BICD1: variants seen among roughly 807,000 people sequenced by gnomAD.
The protein encoded by BICD1 is BICD cargo adaptor 1.
BICD1 carries 35 observed loss-of-function variants against 92.5 expected under a neutral mutation model. The observed-to-expected ratio is 0.38, with a 90% confidence interval of 0.29 to 0.50. BICD1 has a LOEUF of 0.50. Among genes scored for constraint, BICD1 ranks in the 20% least tolerant of loss-of-function variants. The probability of loss-of-function intolerance (pLI) is 0.93; values close to 1 mark genes in which losing one functional copy is unlikely to be tolerated. For synonymous variants in BICD1, 429 were observed against 465.1 expected, an observed-to-expected ratio of 0.92 and a Z score of 1.00; for missense variants, 950 against 1,189.8, an observed-to-expected ratio of 0.80 and a Z score of 2.97.
chr12:32,117,208 C>T (rs1941946877), intron 1 of BICD1, among the ~76,000 whole-genome samples: 1 of 152,138 alleles, frequency 6.6e-6, no homozygotes, highest in Non-Finnish European at 1.5e-5. Flanking sequence ...GCTGAGAATA[C>T]TCTATGGGGA....
chr12:32,111,447 G>T (rs1941687893), intron 1 of BICD1, among the ~76,000 whole-genome samples: 1 of 152,112 alleles, frequency 6.6e-6, no homozygotes, highest in Admixed American at 6.5e-5. Flanking sequence ...AAGATTGTTA[G>T]TTTCTTTTAT....
chr12:32,140,887 ATGCGGCGAC>A (rs1378992532), intron 1 of BICD1, among the ~76,000 whole-genome samples: 3 of 152,226 alleles, frequency 2.0e-5, no homozygotes, highest in African/African-American at 7.2e-5. Context: ...ACCAGAGGAA[ATGCGGCGAC>A]TTAGGTTCTG....
intron 1 of BICD1, among the ~76,000 whole-genome samples, chr12:32,113,037 G>C (rs1479810233): frequency 6.6e-6 from 1 of 152,080 alleles, no homozygotes; most frequent in Admixed American, 6.5e-5. Flanking sequence ...GATGAAACTT[G>C]GAAGAAGCCC....
chr12:32,193,271 T>C (rs185006164), intron 1 of BICD1, among the ~76,000 whole-genome samples: 1 of 152,310 alleles, frequency 6.6e-6, no homozygotes, highest in East Asian at 1.9e-4. Flanking sequence ...CAAGACCTTC[T>C]ACCAGCAAAA....
At chr12:32,257,965 G>A (rs1412920768) in intron 2 of BICD1, among the ~76,000 whole-genome samples, 1 of 152,092 alleles carries the variant, frequency 6.6e-6, no homozygotes, top group Non-Finnish European at 1.5e-5. Flanking sequence ...GTTTCAGATA[G>A]TTAGCTATTA....
chr12:32,375,318 C>T, intron 9 of BICD1, among the ~76,000 whole-genome samples: 1 of 152,018 alleles, frequency 6.6e-6, no homozygotes, highest in East Asian at 2.0e-4. Context: ...CACTTGAAGT[C>T]AGGAGTTCGA....
At chr12:32,247,026 G>A (rs1161268291) in intron 2 of BICD1, among the ~76,000 whole-genome samples, 1 of 152,010 alleles carries the variant, frequency 6.6e-6, no homozygotes, top group Admixed American at 6.6e-5. Context: ...GGAGACTGAG[G>A]TGGGTGGATC....
chr12:32,278,628 C>T (rs954437545), intron 2 of BICD1, among the ~76,000 whole-genome samples: 6 of 152,216 alleles, frequency 3.9e-5, no homozygotes, highest in East Asian at 3.9e-4. Flanking sequence ...CCGCGGCCGG[C>T]GGATCACGAG....
intron 2 of BICD1, among the ~76,000 whole-genome samples, chr12:32,258,555 C>T (rs906285379): frequency 6.6e-6 from 1 of 151,712 alleles, no homozygotes; most frequent in Non-Finnish European, 1.5e-5. Flanking sequence ...GACGCAGAGA[C>T]CAGTAATGGC....
At chr12:32,262,074 A>C (rs1946874550) in intron 2 of BICD1, among the ~76,000 whole-genome samples, 1 of 152,220 alleles carries the variant, frequency 6.6e-6, no homozygotes, top group Non-Finnish European at 1.5e-5. Flanking sequence ...TTATATAACA[A>C]GGTTATTTAT....
intron 1 of BICD1, among the ~76,000 whole-genome samples, chr12:32,128,905 C>A (rs1257389674): frequency 6.6e-6 from 1 of 151,752 alleles, no homozygotes; most frequent in Non-Finnish European, 1.5e-5. Flanking sequence ...TACAAGTAGC[C>A]GGGACTACAG....
At chr12:32,326,556 C>G (rs1226449488) in intron 4 of BICD1, among the ~76,000 whole-genome samples, 1 of 152,094 alleles carries the variant, frequency 6.6e-6, no homozygotes, top group East Asian at 1.9e-4. Flanking sequence ...TCTTTTAGCC[C>G]TAAAATTCTG....
chr12:32,160,265 C>T (rs1487714984), intron 1 of BICD1, among the ~76,000 whole-genome samples: 1 of 152,176 alleles, frequency 6.6e-6, no homozygotes, highest in Non-Finnish European at 1.5e-5. Context: ...GAGATGTCCC[C>T]ACAGCAAGGG....
chr12:32,360,217 CAGGAA>C (rs1939274058), intron 8 of BICD1, among the ~76,000 whole-genome samples: 1 of 150,526 alleles, frequency 6.6e-6, no homozygotes, highest in African/African-American at 2.4e-5. Context: ...ATTTTCAAAA[CAGGAA>C]AGGAAAAGAA....
At chr12:32,229,368 A>G (rs1375453976) in intron 2 of BICD1, among the ~76,000 whole-genome samples, 1 of 152,210 alleles carries the variant, frequency 6.6e-6, no homozygotes, top group Non-Finnish European at 1.5e-5. Flanking sequence ...GCAAGCACTG[A>G]GCCCTGGGTC....
At chr12:32,114,896 T>G (rs1941833137) in intron 1 of BICD1, among the ~76,000 whole-genome samples, 1 of 152,222 alleles carries the variant, frequency 6.6e-6, no homozygotes, top group South Asian at 2.1e-4. Context: ...ACTCACCATT[T>G]AGGGTTATGG....
chr12:32,210,266 A>G (rs568845417), intron 1 of BICD1, among the ~76,000 whole-genome samples: 1 of 152,318 alleles, frequency 6.6e-6, no homozygotes, highest in Admixed American at 6.5e-5. Flanking sequence ...TGCAGTTTCA[A>G]ATCAAAAGTA....
chr12:32,304,364 C>G (rs1948153188), intron 3 of BICD1, among the ~76,000 whole-genome samples: 1 of 152,168 alleles, frequency 6.6e-6, no homozygotes, highest in African/African-American at 2.4e-5. Flanking sequence ...GTATTAGCAT[C>G]TAATATCATG....
At chr12:32,128,124 A>C (rs905182467) in intron 1 of BICD1, among the ~76,000 whole-genome samples, 1 of 152,106 alleles carries the variant, frequency 6.6e-6, no homozygotes, top group Non-Finnish European at 1.5e-5. Flanking sequence ...GGCTGGTCTC[A>C]AACTCCTGAC....
Sources: allele counts gnomAD v4.1 joint callset (sites outside exome capture counted in the v4.1 genomes callset), GRCh38; gene constraint gnomAD v4.1.1; transcripts MANE v1.5; gene names NCBI Gene and HGNC (gene_info 2026-07-23, HGNC 2026-07-21).